FLRT1: variants seen among roughly 807,000 people sequenced by gnomAD.
FLRT1 encodes leucine-rich repeat transmembrane protein FLRT1.
A neutral mutation model predicts 30.9 loss-of-function variants in FLRT1; 14 were observed. That is an observed-to-expected ratio of 0.45 (90% CI 0.30 to 0.71). FLRT1 has a LOEUF of 0.71. Ranked by LOEUF, FLRT1 falls within the 30% of genes least tolerant of loss-of-function variation. The probability of loss-of-function intolerance (pLI) is 0.08; values close to 1 mark genes in which losing one functional copy is unlikely to be tolerated. For synonymous variants in FLRT1, 368 were observed against 430.4 expected (o/e 0.85, Z 1.80); for missense variants, 737 against 949.2 (o/e 0.78, Z 2.94).
Position 64,047,041 on chromosome 11 carries a change from G to GC in FLRT1, c.-1038+10890dup, listed in dbSNP as rs754548217. Among the ~76,000 whole-genome samples the GC allele has an allele frequency of 2.1e-3, 318 of 151,666 alleles. 6 individuals carry two copies. In the East Asian group the frequency reaches 0.033, roughly 16 times the overall value. ...GCTGATGCACCAGCCTCGCCCCAGTGCCCCCCCCGGCTAGCATGCTCACAC... is the reference window on the plus strand; with the variant it reads ...GCTGATGCACCAGCCTCGCCCCAGTGCCCCCCCCCGGCTAGCATGCTCACAC... On this transcript the variant is annotated intron_variant, in intron 1 of 2. Coordinates refer to ENST00000682287, the MANE Select transcript of FLRT1 (RefSeq NM_013280.5).
At chr11:64,060,475 C>T (rs1357908689) in intron 1 of FLRT1, 1 of 152,204 alleles carries the variant, frequency 6.6e-6, no homozygotes, top group Non-Finnish European at 1.5e-5. Flanking sequence ...GGGCTGCCCG[C>T]GACTCCAGGC....
chr11:64,101,382 C>A (rs1944667945), intron 1 of FLRT1, among the ~76,000 whole-genome samples: 1 of 152,148 alleles, frequency 6.6e-6, no homozygotes, highest in African/African-American at 2.4e-5. Context: ...GTGGGATGAA[C>A]CTGCCTCCTT....
chr11:64,117,594 G>A lies in FLRT1; in HGVS notation c.1327G>A (p.Val443Met), dbSNP rs1194585250. 5 of 1,613,010 alleles carry A rather than the reference G, an allele frequency of 3.1e-6. No individual in the cohort carries two copies. Among genetic ancestry groups the A allele is most frequent in the African/African-American group, 1.3e-5 (1 of 74,936 alleles). ...GDGAKTLAIH[V>M]KALTADSIRI... ...TGGCGCCAAGACCCTGGCCATCCAC[G>A]TGAAGGCCCTGACGGCAGACTCCAT... is the stretch of plus-strand genomic sequence containing the variant. The change falls in exon 3 of 3, where the codon GTG becomes ATG. Residue 443 changes from valine to methionine, a missense_variant. Physicochemically the swap from Val to Met is conservative, Grantham distance 21. Transcript: ENST00000682287.
chr11:64,118,481 A>C lies in FLRT1; in HGVS notation c.*189A>C, dbSNP rs1189771897. ...CACAACAGTGACAATTTTTTTTAAAAGAATAGAAGGCAGGAGGGGGAATTC... is the reference window on the plus strand; with the variant it reads ...CACAACAGTGACAATTTTTTTTAAACGAATAGAAGGCAGGAGGGGGAATTC... On this transcript the variant is annotated 3_prime_UTR_variant, in exon 3 of 3. Transcript: ENST00000682287. 3.6e-6 allele frequency: 2 copies of C among 551,676 alleles called. No individual in the cohort carries two copies. The highest frequency in any genetic ancestry group is 3.8e-5 in the African/African-American group (2 of 52,976). 34.2% of individuals were successfully genotyped at this position (551,676 alleles called of 1,614,324 possible). A position where few individuals can be genotyped will look rare whatever the true frequency, so the allele number is the denominator to read the frequency against.
intron 1 of FLRT1, among the ~76,000 whole-genome samples, chr11:64,100,602 A>G (rs1011222823): frequency 3.3e-5 from 5 of 152,088 alleles, no homozygotes; most frequent in Admixed American, 3.3e-4. Flanking sequence ...ACGCATTTAC[A>G]TATTTATTCT....
chr11:64,059,464 T>C (rs565082580), intron 1 of FLRT1, among the ~76,000 whole-genome samples: 2 of 152,238 alleles, frequency 1.3e-5, no homozygotes, highest in East Asian at 3.9e-4. Context: ...GGCCCACCTG[T>C]TCTGAGAGGG....
intron 1 of FLRT1, among the ~76,000 whole-genome samples, chr11:64,038,780 G>T (rs910701178): frequency 6.6e-6 from 1 of 152,154 alleles, no homozygotes; most frequent in Admixed American, 6.5e-5. Context: ...CCTGTTGATT[G>T]TGTTCCTGGG....
intron 1 of FLRT1, chr11:64,086,812 A>G (rs1446558054): frequency 1.3e-5 from 2 of 152,198 alleles, no homozygotes; most frequent in Non-Finnish European, 2.9e-5. Flanking sequence ...CGCTCCTCCA[A>G]CTAGCCCGTG....
chr11:64,044,587 A>G (rs1296323937), intron 1 of FLRT1, among the ~76,000 whole-genome samples: 1 of 152,096 alleles, frequency 6.6e-6, no homozygotes, highest in African/African-American at 2.4e-5. Flanking sequence ...ATTTTACCCC[A>G]GGGGTAAACT....
At chr11:64,102,067 A>G (rs1437121902) in intron 1 of FLRT1, among the ~76,000 whole-genome samples, 2 of 152,220 alleles carry the variant, frequency 1.3e-5, no homozygotes, top group African/African-American at 4.8e-5. Context: ...TCTGACAACA[A>G]GCATTTCTCA....
rs1281030879 is a variant in FLRT1, at chr11:64,090,429, G to A, written c.-1037-12765G>A. On this transcript the variant is annotated intron_variant, in intron 1 of 2. Coordinates refer to ENST00000682287, the MANE Select transcript of FLRT1 (RefSeq NM_013280.5). This position sits in a 1 kb window ranked among gnomAD's most constrained non-coding sequence, Gnocchi z 4.7. ...TATTTCCTCAACTCACCTCCAGCCC[G>A]GGCAGCAGTGGGTCGATAATAATTT... is the stretch of plus-strand genomic sequence containing the variant. Among the ~76,000 whole-genome samples the A allele has an allele frequency of 2.6e-5, 4 of 152,308 alleles. No individual in the cohort carries two copies. Among genetic ancestry groups the A allele is most frequent in the Admixed American group, 1.3e-4 (2 of 15,308 alleles).
intron 1 of FLRT1, among the ~76,000 whole-genome samples, chr11:64,069,726 G>GCCCGGC (rs1396794094): frequency 1.3e-5 from 2 of 152,186 alleles, no homozygotes; most frequent in Non-Finnish European, 2.9e-5. Flanking sequence ...ACACCCCCGG[G>GCCCGGC]CCCGGCCCCG....
At chr11:64,074,085 C>T (rs949346363) in intron 1 of FLRT1, among the ~76,000 whole-genome samples, 3 of 152,194 alleles carry the variant, frequency 2.0e-5, no homozygotes, top group Non-Finnish European at 2.9e-5. Flanking sequence ...GGAATACCCC[C>T]TCCCCATTCT....
chr11:64,049,352 G>A (rs1292460056), intron 1 of FLRT1, among the ~76,000 whole-genome samples: 1 of 152,244 alleles, frequency 6.6e-6, no homozygotes, highest in Non-Finnish European at 1.5e-5. Context: ...AGGCTGTGCT[G>A]TTCACAGCGG....
intron 1 of FLRT1, among the ~76,000 whole-genome samples, chr11:64,102,918 A>T (rs1159563152): frequency 6.6e-6 from 1 of 152,126 alleles, no homozygotes; most frequent in Non-Finnish European, 1.5e-5. Context: ...ATTAAAAAAA[A>T]AAATTAGCCG....
Position 64,117,996 on chromosome 11 carries a change from G to A in FLRT1, c.1729G>A (p.Val577Met), listed in dbSNP as rs140274429. 24 of 1,613,786 alleles carry A rather than the reference G, an allele frequency of 1.5e-5. No individual in the cohort carries two copies. Among genetic ancestry groups the A allele is most frequent in the Non-Finnish European group, 1.9e-5 (22 of 1,179,990 alleles). ...GGTCCTGGGGGCCATCTGCTGGTAC[G>A]TGCACCAGGCTGGCGAGCTGCTGAC... ...FLVLGAICWY[V>M]HQAGELLTRE... The change falls in exon 3 of 3, where the codon GTG becomes ATG. Residue 577 changes from valine (V) to methionine (M), a missense_variant. Transcript: ENST00000682287.
At chr11:64,107,647 T>C (rs1944787127) in intron 2 of FLRT1, among the ~76,000 whole-genome samples, 3 of 152,342 alleles carry the variant, frequency 2.0e-5, no homozygotes, top group East Asian at 1.9e-4. Context: ...CCAGCCCCCA[T>C]GCATCACAAG....
At chr11:64,047,812 G>A (rs1035847055) in intron 1 of FLRT1, among the ~76,000 whole-genome samples, 3 of 150,942 alleles carry the variant, frequency 2.0e-5, no homozygotes, top group African/African-American at 4.9e-5. Context: ...CAGGAGAATC[G>A]CTTGAACCTG....
At chr11:64,084,293 A>C (rs1050993566) in intron 1 of FLRT1, among the ~76,000 whole-genome samples, 2 of 152,126 alleles carry the variant, frequency 1.3e-5, no homozygotes, top group African/African-American at 4.8e-5. Context: ...GGCCAGAGGC[A>C]GCAGGAACAC....
Sources: allele counts gnomAD v4.1 joint callset (sites outside exome capture counted in the v4.1 genomes callset), GRCh38; gene constraint gnomAD v4.1.1; non-coding constraint Gnocchi (gnomAD v3.1); transcripts MANE v1.5; gene names NCBI Gene and HGNC (gene_info 2026-07-23, HGNC 2026-07-21).